The following SOX5 variants were observed in gnomAD, a reference collection of about 807,000 sequenced individuals.
SOX5 encodes transcription factor SOX-5.
A neutral mutation model predicts 92.0 loss-of-function variants in SOX5; 9 were observed. The observed-to-expected ratio is 0.10, with a 90% confidence interval of 0.06 to 0.17. The LOEUF (loss-of-function observed/expected upper bound fraction) is 0.17, where lower values mean the gene tolerates loss of function less well. Ranked by LOEUF, SOX5 falls within the 10% of genes least tolerant of loss-of-function variation. The probability of loss-of-function intolerance (pLI) is 1.00; values close to 1 mark genes in which losing one functional copy is unlikely to be tolerated. For synonymous variants in SOX5, 344 were observed against 336.3 expected, an observed-to-expected ratio of 1.02 and a Z score of -0.25; for missense variants, 642 against 944.5, an observed-to-expected ratio of 0.68 and a Z score of 4.20.
chr12:24,276,220 A>G (rs1478281028), intron 3 of SOX5, among the ~76,000 whole-genome samples: 1 of 152,038 alleles, frequency 6.6e-6, no homozygotes, highest in Non-Finnish European at 1.5e-5. Flanking sequence ...CTTCTATATT[A>G]TATTGTTTCA....
intron 1 of SOX5, among the ~76,000 whole-genome samples, chr12:23,921,238 C>T (rs149624824): frequency 2.6e-3 from 400 of 152,176 alleles, no homozygotes; most frequent in Admixed American, 5.4e-3. Flanking sequence ...TGATTAAATA[C>T]GAGCATTTTT....
intron 1 of SOX5, among the ~76,000 whole-genome samples, chr12:24,397,784 C>T (rs188368293): frequency 9.7e-4 from 148 of 151,998 alleles, no homozygotes; most frequent in African/African-American, 3.4e-3. Flanking sequence ...GCTTTTTCCC[C>T]TACACTTATG....
chr12:24,176,384 G>A lies in SOX5; in HGVS notation c.-2+36959C>T, dbSNP rs76558718. 6.8e-3 allele frequency among the ~76,000 whole-genome samples: 1,029 copies of A among 152,230 alleles called. 17 individuals are homozygous for A. The highest frequency in any genetic ancestry group is 0.024 in the African/African-American group (983 of 41,554). ...AAAATTCAAAGATAAAAATGTCGGGGTGGGGGAGTACATTTACAGTATAAA... is the reference window on the plus strand; with the variant it reads ...AAAATTCAAAGATAAAAATGTCGGGATGGGGGAGTACATTTACAGTATAAA... On this transcript the variant is annotated intron_variant, in intron 4 of 4. Coordinates refer to the SOX5 transcript ENST00000446891.
intron 9 of SOX5, chr12:23,584,610 T>C: frequency 6.2e-7 from 1 of 1,604,870 alleles, no homozygotes. Flanking sequence ...TAACTGACTG[T>C]TTAATGAGTA....
intron 1 of SOX5, among the ~76,000 whole-genome samples, chr12:24,421,600 T>C (rs1965926473): frequency 6.6e-6 from 1 of 152,230 alleles, no homozygotes; most frequent in Non-Finnish European, 1.5e-5. Context: ...GATCCAGTTA[T>C]GATGCTGTTT....
intron 4 of SOX5, among the ~76,000 whole-genome samples, chr12:24,171,242 GA>G (rs1954111451): frequency 1.2e-5 from 1 of 80,810 alleles, no homozygotes; most frequent in Non-Finnish European, 2.3e-5. Flanking sequence ...TTTTTTTTTG[GA>G]GACAGAGTCT....
At chr12:23,804,011 T>G (rs573027555) in intron 3 of SOX5, among the ~76,000 whole-genome samples, 1 of 152,320 alleles carries the variant, frequency 6.6e-6, no homozygotes, top group South Asian at 2.1e-4. Context: ...AGTTATAGGT[T>G]TTGTTTACAT....
chr12:23,836,688 A>G (rs1189928555), intron 3 of SOX5, among the ~76,000 whole-genome samples: 1 of 151,934 alleles, frequency 6.6e-6, no homozygotes, highest in Non-Finnish European at 1.5e-5. Context: ...CCCCACCTCC[A>G]TGAAAGGAAG....
At chr12:24,534,410 A>G (rs1951457526) in intron 1 of SOX5, among the ~76,000 whole-genome samples, 1 of 152,182 alleles carries the variant, frequency 6.6e-6, no homozygotes, top group African/African-American at 2.4e-5. Flanking sequence ...AAAATAGGGA[A>G]GTAGATATAA....
At chr12:24,115,125 G>C (rs1306718351) in intron 4 of SOX5, among the ~76,000 whole-genome samples, 1 of 151,984 alleles carries the variant, frequency 6.6e-6, no homozygotes, top group East Asian at 1.9e-4. Context: ...ACAAAAAAGA[G>C]AAAAGAGAAA....
intron 4 of SOX5, among the ~76,000 whole-genome samples, chr12:24,043,543 G>T (rs1328191945): frequency 3.3e-5 from 5 of 152,152 alleles, no homozygotes; most frequent in Non-Finnish European, 7.4e-5. Flanking sequence ...TGTCCAACTG[G>T]TCCAACAGAA....
At chr12:23,688,905 TAGATG>T (rs2088180556) in intron 6 of SOX5, among the ~76,000 whole-genome samples, 3 of 152,228 alleles carry the variant, frequency 2.0e-5, no homozygotes, top group African/African-American at 7.2e-5. Flanking sequence ...AACAACCAAA[TAGATG>T]AGAGTATATC....
At chr12:24,503,331 A>C (rs1366500880) in intron 1 of SOX5, among the ~76,000 whole-genome samples, 1 of 152,236 alleles carries the variant, frequency 6.6e-6, no homozygotes, top group Non-Finnish European at 1.5e-5. Flanking sequence ...CAGAAGTTCA[A>C]GTCTAGCTTG....
chr12:24,543,291 C>A (rs990698625), intron 1 of SOX5, among the ~76,000 whole-genome samples: 2 of 152,226 alleles, frequency 1.3e-5, no homozygotes, highest in African/African-American at 4.8e-5. Flanking sequence ...TTACTCAATT[C>A]ATGTGTAACC....
rs1055956482 is a variant in SOX5 at position 24,256,404 on chromosome 12, T to C, written c.-77+20812A>G. On this transcript the variant is annotated intron_variant, in intron 3 of 4. Coordinates refer to the SOX5 transcript ENST00000446891. ...CTTGACCACGAAGATGAAATTGGGG[T>C]ACTTTAATTACCATTCAGAGCCAAA... 2.6e-5 allele frequency among the ~76,000 whole-genome samples: 4 copies of C among 152,236 alleles called. No homozygotes were observed. The East Asian group carries it at 7.7e-4, about 29-fold the overall frequency.
At chr12:23,593,036 G>A (rs1015693083) in intron 9 of SOX5, among the ~76,000 whole-genome samples, 8 of 152,140 alleles carry the variant, frequency 5.3e-5, no homozygotes, top group African/African-American at 1.9e-4. Flanking sequence ...CCAAGATCGC[G>A]CCCCTGCACT....
chr12:23,986,126 A>T (rs1301051472), intron 4 of SOX5, among the ~76,000 whole-genome samples: 1 of 152,152 alleles, frequency 6.6e-6, no homozygotes, highest in African/African-American at 2.4e-5. Context: ...AATATAACAC[A>T]TTTAAGGTTG....
intron 1 of SOX5, among the ~76,000 whole-genome samples, chr12:24,386,146 A>C (rs1958388825): frequency 6.6e-6 from 1 of 152,072 alleles, no homozygotes; most frequent in South Asian, 2.1e-4. Context: ...ATGAGGAAAA[A>C]AATTGGTTCC....
At chr12:23,584,634 C>T (rs2136969648) in intron 9 of SOX5, 1 of 1,537,464 alleles carries the variant, frequency 6.5e-7, no homozygotes, top group Non-Finnish European at 9.0e-7. Context: ...ACAGTTACGA[C>T]AGTTAACTGA....
Sources: allele counts gnomAD v4.1 joint callset (sites outside exome capture counted in the v4.1 genomes callset), GRCh38; gene constraint gnomAD v4.1.1; transcripts MANE v1.5; gene names NCBI Gene and HGNC (gene_info 2026-07-23, HGNC 2026-07-21).